SVEP1: variants seen among roughly 807,000 people sequenced by gnomAD.
The protein encoded by SVEP1 is sushi, von Willebrand factor type A, EGF and pentraxin domain containing 1.
Under a neutral mutation model 367.3 loss-of-function variants are expected in SVEP1, and 164 were observed. That is an observed-to-expected ratio of 0.45 (90% CI 0.39 to 0.51). SVEP1 has a LOEUF of 0.51. SVEP1 is among the 20% of genes least tolerant of loss of function. The pLI is 0.00. For synonymous variants in SVEP1, 1,666 were observed against 1,611.6 expected, an observed-to-expected ratio of 1.03 and a Z score of -0.81; for missense variants, 4,117 against 4,425.3, an observed-to-expected ratio of 0.93 and a Z score of 1.98.
chr9:110,453,232 A>G (rs754722302), intron 22 of SVEP1, among the ~76,000 whole-genome samples: 1 of 152,132 alleles, frequency 6.6e-6, no homozygotes, highest in Non-Finnish European at 1.5e-5. Context: ...AGTTAGGTAC[A>G]ATGCTGGATG....
rs569777897 is a variant in SVEP1, at chr9:110,414,994, G to A, written c.5976-3259C>T. 2.6e-5 allele frequency among the ~76,000 whole-genome samples: 4 copies of A among 152,052 alleles called. No homozygotes were observed. The East Asian group carries it at 7.7e-4, about 29-fold the overall frequency. The stretch of plus-strand genomic sequence containing the variant: ...TCTTCCCTCTGCGTTTCTCACCAAG[G>A]AGTATAAACATGAGCATGAAAAGGA... On this transcript the variant is annotated intron_variant, in intron 36 of 47. Transcript: ENST00000374469.
Position 110,407,270 on chromosome 9 carries a change from T to A in SVEP1, c.8330A>T (p.Lys2777Met). ...SPRCEAISCK[K>M]PNPVMNGSIK... ...GGATCCATTCATGACTGGATTTGGC[T>A]TTTTGCATGAAATGGCTTCACAGCG... The change falls in exon 38 of 48, where the codon AAG becomes ATG. Residue 2777 changes from lysine (K) to methionine (M), a missense_variant. Around this residue, in one of 4 missense-constraint regions of SVEP1, gnomAD observed 1,765 missense variants for 1,781.1 expected, o/e 0.99. Transcript: ENST00000374469. The A allele has an allele frequency of 6.2e-7, 1 of 1,613,982 alleles. No homozygotes were observed. Among genetic ancestry groups the A allele is most frequent in the South Asian group, 1.1e-5 (1 of 91,080 alleles).
Position 110,389,521 on chromosome 9 carries a change from C to T in SVEP1, c.9886+3G>A. Reference sequence around the variant, plus strand: ...GGGGGCTGCTAAGTGTCATTCAACTCACCTTTGCATATTGCCACCCCTCCA... The same window carrying T: ...GGGGGCTGCTAAGTGTCATTCAACTTACCTTTGCATATTGCCACCCCTCCA... On this transcript the variant is annotated splice_donor_region_variant and intron_variant, in intron 41 of 47. Coordinates refer to ENST00000374469, the MANE Select transcript of SVEP1 (RefSeq NM_153366.4). The T allele has an allele frequency of 6.2e-7, 1 of 1,613,368 alleles. No individual in the cohort carries two copies. Among genetic ancestry groups the T allele is most frequent in the East Asian group, 2.2e-5 (1 of 44,854 alleles).
In SVEP1 at chr9:110,387,410, A is replaced by G. The variant is rs1002063921; in HGVS notation, c.9935T>C (p.Ile3312Thr). The change falls in exon 42 of 48, where the codon ATT becomes ACT. Residue 3312 changes from isoleucine (I) to threonine (T), a missense_variant. By Grantham distance (89) the Ile-to-Thr change is moderately conservative. Transcript: ENST00000374469. Reference sequence around the variant, plus strand: ...GTTGGGTCCAGTCGTCCTGTTTTCAATGTCAGCTTTCCCATTGAGAAATTC... The same window carrying G: ...GTTGGGTCCAGTCGTCCTGTTTTCAGTGTCAGCTTTCCCATTGAGAAATTC... ...PLEFLNGKAD[I>T]ENRTTGPNVV... is the part of the protein sequence containing the mutation. The G allele has an allele frequency of 1.3e-5, 21 of 1,613,248 alleles. No homozygotes were observed. The African/African-American group carries it at 1.6e-4, about 12-fold the overall frequency.
At chr9:110,546,389 C>G in intron 2 of SVEP1, 98 bp from the exon 3 acceptor site, 1 of 1,321,400 alleles carries the variant, frequency 7.6e-7, no homozygotes, top group Non-Finnish European at 1.0e-6. Context: ...GAGAAAATAT[C>G]TTTCCATATC....
chr9:110,388,008 A>C (rs1827552813), intron 41 of SVEP1, among the ~76,000 whole-genome samples: 1 of 152,214 alleles, frequency 6.6e-6, no homozygotes, highest in Non-Finnish European at 1.5e-5. Flanking sequence ...TAAATCTGGC[A>C]ACCTTACTTA....
Position 110,476,322 on chromosome 9 carries a change from G to GC in SVEP1, c.2488-8_2488-7insG, listed in dbSNP as rs761817102. 5.6e-6 allele frequency: 9 copies of GC among 1,602,538 alleles called. No homozygotes were observed. The African/African-American group carries it at 1.2e-4, about 21-fold the overall frequency. On this transcript the variant is annotated splice_polypyrimidine_tract_variant and splice_region_variant and intron_variant, in intron 13 of 47. Transcript: ENST00000374469. ...CACTACAAAATGATGGGACCTGCAAGTAAAAAATGAAGAGGATAAAGTGTA... is the reference window on the plus strand; with the variant it reads ...CACTACAAAATGATGGGACCTGCAAGCTAAAAAATGAAGAGGATAAAGTGTA...
chr9:110,523,421 G>A (rs1163137398), intron 3 of SVEP1, among the ~76,000 whole-genome samples: 1 of 151,824 alleles, frequency 6.6e-6, no homozygotes, highest in African/African-American at 2.4e-5. Context: ...TTACCCACAG[G>A]AAGACAGAAA....
rs71373993 is a variant in SVEP1 at position 110,375,465 on chromosome 9, TAAAA to T, written c.10505-6_10505-3del. 61,662 of 547,968 alleles carry T rather than the reference TAAAA, an allele frequency of 0.11. 684 individuals carry two copies. The highest frequency in any genetic ancestry group is 0.15 in the African/African-American group (5,367 of 36,676). 33.9% of individuals were successfully genotyped at this position (547,968 alleles called of 1,614,324 possible). A position where few individuals can be genotyped will look rare whatever the true frequency, so the allele number is the denominator to read the frequency against. ...TCAGACAGGGAAGAATGCAGATTGC[TAAAA>T]AAAAAAAAAAAAAAAAAAAAAGGAG... On this transcript the variant is annotated splice_region_variant and splice_polypyrimidine_tract_variant and intron_variant, in intron 45 of 47. Transcript: ENST00000374469.
intron 32 of SVEP1, among the ~76,000 whole-genome samples, chr9:110,430,743 T>C (rs73655346): frequency 0.025 from 3,772 of 152,160 alleles, 150 homozygotes; most frequent in African/African-American, 0.086. Context: ...TGCTAGAGAG[T>C]GGCTTAGAAG....
intron 8 of SVEP1, among the ~76,000 whole-genome samples, chr9:110,493,647 G>A (rs557636291): frequency 1.3e-5 from 2 of 152,206 alleles, no homozygotes; most frequent in East Asian, 1.9e-4. Context: ...TAGAAGAATC[G>A]CTTGAACCTG....
chr9:110,487,854 C>T (rs538772050), intron 9 of SVEP1, among the ~76,000 whole-genome samples: 1 of 151,996 alleles, frequency 6.6e-6, no homozygotes, highest in African/African-American at 2.4e-5. Flanking sequence ...GGAACTGGTC[C>T]CCTTGACTTT....
intron 6 of SVEP1, among the ~76,000 whole-genome samples, chr9:110,502,519 T>A (rs1170523916): frequency 1.3e-5 from 2 of 152,198 alleles, no homozygotes; most frequent in Non-Finnish European, 2.9e-5. Context: ...ATAGTTCTTT[T>A]TCATTTACTT....
At position 110,489,174 on chromosome 9, in the gene SVEP1, G is replaced by C. The variant is rs1415795833; in HGVS notation, c.1930+476C>G. Among the ~76,000 whole-genome samples, 4 of 152,316 alleles carry C rather than the reference G, an allele frequency of 2.6e-5. No homozygotes were observed. In the East Asian group the frequency reaches 5.8e-4, roughly 22 times the overall value. On this transcript the variant is annotated intron_variant, in intron 9 of 47. Coordinates refer to ENST00000374469, the MANE Select transcript of SVEP1 (RefSeq NM_153366.4). ...GTGCTTTGAGCAAGTTTCAATGCCA[G>C]TTGGAAGAATCAGTGACAAGGGAGT...
chr9:110,391,174 A>G lies in SVEP1; in HGVS notation c.9823-1587T>C, dbSNP rs370679888. On this transcript the variant is annotated intron_variant, in intron 40 of 47. Coordinates refer to ENST00000374469, the MANE Select transcript of SVEP1 (RefSeq NM_153366.4). ...CTTTAAATAATTCTGTTGAATCAGT[A>G]CCAAATAAGATCCATACACTGAGAC... 2.5e-4 allele frequency among the ~76,000 whole-genome samples: 38 copies of G among 152,246 alleles called. No homozygotes were observed. The East Asian group carries it at 4.2e-3, about 17-fold the overall frequency.
At chr9:110,456,342 T>A (rs1343406242) in intron 21 of SVEP1, among the ~76,000 whole-genome samples, 1 of 152,198 alleles carries the variant, frequency 6.6e-6, no homozygotes, top group African/African-American at 2.4e-5. Flanking sequence ...ACACGACTGT[T>A]TGAGAACCAC....
Position 110,476,249 on chromosome 9 carries a change from A to G in SVEP1, c.2554T>C (p.Tyr852His), listed in dbSNP as rs754369240. Residue 852 changes from tyrosine to histidine, a missense_variant, in exon 14 of 48, where the codon TAT (tyrosine) becomes CAT (histidine). Tyr to His is a moderately conservative substitution (Grantham distance 83). Coordinates refer to ENST00000374469, the MANE Select transcript of SVEP1 (RefSeq NM_153366.4). ...TAGTCATAATTATATTCTAGGCAAT[A>G]TTTTTTGGTCAGGTTCTCCTCCAGT... ...CRLEENLTKK[Y>H]CLEYNYDYEN... 6 of 1,613,574 alleles carry G rather than the reference A, an allele frequency of 3.7e-6. No individual in the cohort carries two copies. Among genetic ancestry groups the G allele is most frequent in the Non-Finnish European group, 5.1e-6 (6 of 1,179,698 alleles).
rs566576539 is a variant in SVEP1 at position 110,403,051 on chromosome 9, A to G, written c.9666+1276T>C. Among the ~76,000 whole-genome samples the G allele has an allele frequency of 2.1e-4, 32 of 152,292 alleles. No homozygotes were observed. The South Asian group carries it at 6.2e-3, about 30-fold the overall frequency. On this transcript the variant is annotated intron_variant, in intron 39 of 47. Coordinates refer to ENST00000374469, the MANE Select transcript of SVEP1 (RefSeq NM_153366.4). ...AAATAAAAAAATAAGCTGAAGGAAT[A>G]TAAGGTCATAGAACCTACAAATATT...
At chr9:110,426,551 T>A (rs760219394) in intron 36 of SVEP1, among the ~76,000 whole-genome samples, 6 of 152,172 alleles carry the variant, frequency 3.9e-5, no homozygotes, top group Non-Finnish European at 8.8e-5. Flanking sequence ...AAATGGCAAC[T>A]TTTCTGCTGT....
Sources: gnomAD v4.1 joint callset for allele counts (sites outside exome capture counted in the v4.1 genomes callset) on GRCh38, gnomAD v4.1.1 for gene constraint, gnomAD v4.1.1 regional missense constraint, MANE v1.5 for transcripts, NCBI Gene and HGNC (gene_info 2026-07-23, HGNC 2026-07-21) for gene names.